Variants in TRIM44 observed in about 807,000 individuals in gnomAD.
TRIM44 encodes the protein tripartite motif containing 44.
TRIM44 carries 13 observed loss-of-function variants against 37.4 expected under a neutral mutation model. The ratio of observed to expected loss-of-function variants is 0.35; its 90% confidence interval spans 0.23 to 0.55. TRIM44 has a LOEUF of 0.55. Among genes scored for constraint, TRIM44 ranks in the 20% least tolerant of loss-of-function variants. The probability of loss-of-function intolerance (pLI) is 0.89; values close to 1 mark genes in which losing one functional copy is unlikely to be tolerated. For missense variants in TRIM44, 426 were observed against 437.2 expected (o/e 0.97, Z 0.23); for synonymous variants, 175 against 157.2 (o/e 1.11, Z -0.85).
intron 2 of TRIM44, among the ~76,000 whole-genome samples, chr11:35,696,132 T>A (rs1281735541): frequency 6.6e-6 from 1 of 150,594 alleles, no homozygotes; most frequent in Non-Finnish European, 1.5e-5. Flanking sequence ...AAATGATGAG[T>A]CAAATTTTTT....
intron 2 of TRIM44, among the ~76,000 whole-genome samples, chr11:35,704,120 C>T (rs1379667936): frequency 6.6e-6 from 1 of 152,094 alleles, no homozygotes; most frequent in Non-Finnish European, 1.5e-5. Flanking sequence ...AATGCAGAAG[C>T]CTCAGGAGCC....
intron 4 of TRIM44, among the ~76,000 whole-genome samples, chr11:35,780,122 G>GT (rs888977605): frequency 7.9e-5 from 12 of 151,278 alleles, no homozygotes; most frequent in Admixed American, 2.6e-4. Flanking sequence ...TTTTAGAATA[G>GT]TTTTTTTTTA....
intron 2 of TRIM44, among the ~76,000 whole-genome samples, chr11:35,725,297 A>G (rs1398647480): frequency 2.0e-5 from 3 of 152,154 alleles, no homozygotes; most frequent in Non-Finnish European, 4.4e-5. Flanking sequence ...ATACATACCA[A>G]ACTATTAACA....
chr11:35,802,715 C>T (rs935066310), intron 4 of TRIM44, among the ~76,000 whole-genome samples: 2 of 152,116 alleles, frequency 1.3e-5, no homozygotes, highest in South Asian at 4.2e-4. Context: ...TATTTGTTCT[C>T]CCCAGTGTTT....
chr11:35,758,072 T>C (rs1174021784), intron 4 of TRIM44, among the ~76,000 whole-genome samples: 2 of 152,148 alleles, frequency 1.3e-5, no homozygotes, highest in Non-Finnish European at 2.9e-5. Flanking sequence ...TTCTGTCTCG[T>C]TGATCTGTCT....
At chr11:35,714,446 T>C (rs1852014488) in intron 2 of TRIM44, among the ~76,000 whole-genome samples, 1 of 152,160 alleles carries the variant, frequency 6.6e-6, no homozygotes, top group Admixed American at 6.5e-5. Context: ...TTCTCTACTC[T>C]ATCAAAGTCC....
At chr11:35,740,194 T>C (rs1407616986) in intron 4 of TRIM44, among the ~76,000 whole-genome samples, 1 of 151,852 alleles carries the variant, frequency 6.6e-6, no homozygotes, top group Non-Finnish European at 1.5e-5. Context: ...TGGCATCAAT[T>C]TTCTGCCTTC....
At chr11:35,688,856 C>T (rs189426030) in intron 2 of TRIM44, among the ~76,000 whole-genome samples, 3 of 152,318 alleles carry the variant, frequency 2.0e-5, no homozygotes, top group African/African-American at 7.2e-5. Context: ...GTTTCAAGTA[C>T]CACACTTTGA....
In TRIM44 at chr11:35,771,584, GC is replaced by G. The variant is rs1445807234; in HGVS notation, c.1008-34773del. Among the ~76,000 whole-genome samples the G allele has an allele frequency of 2.0e-5, 3 of 152,242 alleles. No homozygotes were observed. In the South Asian group the frequency reaches 6.2e-4, roughly 32 times the overall value. ...TACTAAAAATACAAAAATTAGCTGG[GC>G]TTGTTGTCAGATGCCTGTAATCTCA... On this transcript the variant is annotated intron_variant, in intron 4 of 4. Coordinates refer to ENST00000299413, the MANE Select transcript of TRIM44 (RefSeq NM_017583.6).
intron 2 of TRIM44, among the ~76,000 whole-genome samples, chr11:35,688,667 G>A (rs1208726856): frequency 6.6e-6 from 1 of 152,192 alleles, no homozygotes; most frequent in East Asian, 1.9e-4. Flanking sequence ...ACATTTGTCA[G>A]ACATCTTCTT....
At position 35,766,500 on chromosome 11, in the gene TRIM44, G is replaced by A. The variant is rs190895470; in HGVS notation, c.1007+31055G>A. Among the ~76,000 whole-genome samples, 15 of 152,302 alleles carry A rather than the reference G, an allele frequency of 9.8e-5. No individual in the cohort carries two copies. In the East Asian group the frequency reaches 2.1e-3, roughly 22 times the overall value. On this transcript the variant is annotated intron_variant, in intron 4 of 4. Coordinates refer to ENST00000299413, the MANE Select transcript of TRIM44 (RefSeq NM_017583.6). ...AGATGACAGTTGAGATTTTCTTAACGAAAGTTTTTCATAGTTGGACAACAG... is the reference window on the plus strand; with the variant it reads ...AGATGACAGTTGAGATTTTCTTAACAAAAGTTTTTCATAGTTGGACAACAG...
At chr11:35,787,668 A>G (rs1853147810) in intron 4 of TRIM44, among the ~76,000 whole-genome samples, 1 of 152,236 alleles carries the variant, frequency 6.6e-6, no homozygotes, top group Non-Finnish European at 1.5e-5. Flanking sequence ...GCCTTCAAGC[A>G]GCAGTTCCCT....
intron 4 of TRIM44, among the ~76,000 whole-genome samples, chr11:35,803,993 A>G (rs1319750984): frequency 1.3e-5 from 2 of 151,870 alleles, no homozygotes; most frequent in African/African-American, 2.4e-5. Flanking sequence ...GGAAGAAAAA[A>G]AAAAAAAAAA....
intron 4 of TRIM44, among the ~76,000 whole-genome samples, chr11:35,756,574 G>C (rs1472038953): frequency 6.6e-6 from 1 of 152,068 alleles, no homozygotes; most frequent in African/African-American, 2.4e-5. Context: ...GGGCATCCCT[G>C]TCTTGTGCCA....
intron 2 of TRIM44, among the ~76,000 whole-genome samples, chr11:35,686,167 G>T (rs1359270151): frequency 6.6e-6 from 1 of 151,958 alleles, no homozygotes; most frequent in Non-Finnish European, 1.5e-5. Flanking sequence ...TTAGGGTCTA[G>T]AGGATTGATA....
At chr11:35,691,678 T>C (rs533583217) in intron 2 of TRIM44, among the ~76,000 whole-genome samples, 1 of 152,322 alleles carries the variant, frequency 6.6e-6, no homozygotes, top group African/African-American at 2.4e-5. Context: ...AGAGTCTTGC[T>C]GTGTTGCCCA....
At chr11:35,754,047 TAAAAAAAAAAAGAA>T (rs58470866) in intron 4 of TRIM44, among the ~76,000 whole-genome samples, 8,702 of 145,144 alleles carry the variant, frequency 0.06, 831 homozygotes, top group African/African-American at 0.21. Context: ...GTCTCAAATT[TAAAAAAAAAAAGAA>T]AAAAAGAAAT....
At chr11:35,681,507 A>C (rs1007488610) in intron 1 of TRIM44, among the ~76,000 whole-genome samples, 1 of 152,194 alleles carries the variant, frequency 6.6e-6, no homozygotes, top group African/African-American at 2.4e-5. Flanking sequence ...TACATAAACA[A>C]GATATGCTCA....
chr11:35,793,221 A>G (rs1034092429), intron 4 of TRIM44, among the ~76,000 whole-genome samples: 37 of 152,098 alleles, frequency 2.4e-4, no homozygotes, highest in African/African-American at 8.9e-4. Flanking sequence ...AAAACAAACA[A>G]CAAATAAAAA....
Sources: allele counts gnomAD v4.1 joint callset (sites outside exome capture counted in the v4.1 genomes callset), GRCh38; gene constraint gnomAD v4.1.1; transcripts MANE v1.5; gene names NCBI Gene and HGNC (gene_info 2026-07-23, HGNC 2026-07-21).